The following ANO3 variants were observed in gnomAD, a reference collection of about 807,000 sequenced individuals.
ANO3 encodes anoctamin-3.
In ANO3, 99 loss-of-function variants were observed where a neutral mutation model predicts 144.8. The ratio of observed to expected loss-of-function variants is 0.68; its 90% CI spans 0.58 to 0.81. ANO3 has a LOEUF of 0.81. Among genes scored for constraint, ANO3 ranks in the 30% least tolerant of loss-of-function variants. ANO3 has a pLI of 0.00. For synonymous variants in ANO3, 414 were observed against 392.6 expected (o/e 1.05, Z -0.64); for missense variants, 905 against 1,202.2 (o/e 0.75, Z 3.66).
intron 14 of ANO3, among the ~76,000 whole-genome samples, chr11:26,589,936 C>T (rs1310825770): frequency 6.6e-6 from 1 of 152,124 alleles, no homozygotes; most frequent in African/African-American, 2.4e-5. Flanking sequence ...TCTGATTTTC[C>T]CCCAATCCAG....
Position 26,225,946 on chromosome 11 carries a change from A to G in ANO3, c.154+36616A>G, listed in dbSNP as rs1852247841. On this transcript the variant is annotated intron_variant, in intron 1 of 27. Coordinates refer to the ANO3 transcript ENST00000672621. ...TACATTAGTACTCATACATTAGTAG[A>G]AGCCACTGAATGGTTTTAAACAGAA... Among the ~76,000 whole-genome samples the G allele has an allele frequency of 2.6e-5, 4 of 152,170 alleles. No individual in the cohort carries two copies. The South Asian group carries it at 8.3e-4, about 32-fold the overall frequency.
At chr11:26,437,731 GTT>G (rs989121155) in intron 1 of ANO3, among the ~76,000 whole-genome samples, 14 of 152,122 alleles carry the variant, frequency 9.2e-5, no homozygotes, top group Admixed American at 9.2e-4. Context: ...TTCTTCCCAT[GTT>G]TATGTTCATG....
intron 1 of ANO3, among the ~76,000 whole-genome samples, chr11:26,274,754 A>G (rs1853521068): frequency 6.6e-6 from 1 of 152,086 alleles, no homozygotes; most frequent in African/African-American, 2.4e-5. Flanking sequence ...GAACTATGAA[A>G]CTTCAAATAA....
chr11:26,590,283 A>T (rs747165458), intron 14 of ANO3, among the ~76,000 whole-genome samples: 7 of 152,242 alleles, frequency 4.6e-5, no homozygotes, highest in Admixed American at 3.3e-4. Context: ...TTTTATGGCG[A>T]TTATTCCTTT....
Position 26,627,023 on chromosome 11 carries a change from A to T in ANO3, c.1873+2525A>T, listed in dbSNP as rs993879608. ...TAAGAATATCAGCTCTAGAGTGAGA[A>T]TGCCTGAGTTGAAATCTTTGCACCA... is the stretch of plus-strand genomic sequence containing the variant. On this transcript the variant is annotated intron_variant, in intron 18 of 26. Transcript: ENST00000256737. 1.4e-4 allele frequency among the ~76,000 whole-genome samples: 22 copies of T among 152,146 alleles called. 1 individual carries two copies. The highest frequency in any genetic ancestry group is 5.3e-4 in the African/African-American group (22 of 41,438).
chr11:26,574,140 G>A (rs533645416), intron 14 of ANO3, among the ~76,000 whole-genome samples: 3 of 152,080 alleles, frequency 2.0e-5, no homozygotes, highest in African/African-American at 7.2e-5. Flanking sequence ...ACCCACTATG[G>A]TGCCTTTCAT....
At chr11:26,642,299 A>T (rs1211184652) in intron 22 of ANO3, among the ~76,000 whole-genome samples, 3 of 151,950 alleles carry the variant, frequency 2.0e-5, no homozygotes, top group Non-Finnish European at 2.9e-5. Flanking sequence ...AAGCAAACAA[A>T]ATAATGCTGA....
At chr11:26,559,090 T>C (rs1251327609) in intron 13 of ANO3, 1 of 152,198 alleles carries the variant, frequency 6.6e-6, no homozygotes, top group African/African-American at 2.4e-5. Context: ...TTTGATTCAA[T>C]AACATTATAA....
chr11:26,363,047 T>C (rs1855969834), intron 1 of ANO3, among the ~76,000 whole-genome samples: 1 of 152,216 alleles, frequency 6.6e-6, no homozygotes, highest in Admixed American at 6.5e-5. Flanking sequence ...ACCAAGAAAG[T>C]AGAAAACCTC....
intron 3 of ANO3, among the ~76,000 whole-genome samples, chr11:26,454,633 A>G (rs1017703867): frequency 1.3e-5 from 2 of 151,496 alleles, no homozygotes; most frequent in African/African-American, 4.8e-5. Context: ...TTCACAGCCA[A>G]ATTCTACCAG....
intron 1 of ANO3, among the ~76,000 whole-genome samples, chr11:26,401,924 AC>A (rs1271759231): frequency 1.3e-5 from 2 of 152,008 alleles, no homozygotes; most frequent in Non-Finnish European, 2.9e-5. Flanking sequence ...TTATGATCCG[AC>A]AGTAACAGAA....
intron 14 of ANO3, chr11:26,560,176 G>A (rs969584512): frequency 1.2e-5 from 2 of 166,776 alleles, no homozygotes; most frequent in African/African-American, 4.8e-5. Flanking sequence ...CATACATTTA[G>A]GGATGCAGAA....
intron 1 of ANO3, among the ~76,000 whole-genome samples, chr11:26,338,451 A>G (rs1380589820): frequency 6.6e-6 from 1 of 152,056 alleles, no homozygotes; most frequent in Non-Finnish European, 1.5e-5. Flanking sequence ...ACCAATCAGC[A>G]CTCTGTAAAA....
chr11:26,377,984 A>G (rs1856461013), intron 1 of ANO3, among the ~76,000 whole-genome samples: 1 of 152,114 alleles, frequency 6.6e-6, no homozygotes, highest in Non-Finnish European at 1.5e-5. Context: ...GTTTTTTAAT[A>G]TGTACCAGGA....
At chr11:26,233,529 TGTG>T (rs1852449045) in intron 1 of ANO3, among the ~76,000 whole-genome samples, 2 of 152,198 alleles carry the variant, frequency 1.3e-5, no homozygotes, top group Non-Finnish European at 1.5e-5. Context: ...TGGAAGACAG[TGTG>T]GTGGTTCCTC....
intron 23 of ANO3, among the ~76,000 whole-genome samples, chr11:26,644,844 CACACAT>C (rs1471593049): frequency 3.4e-5 from 5 of 149,166 alleles, no homozygotes; most frequent in African/African-American, 4.9e-5. Flanking sequence ...CACACACACA[CACACAT>C]ACCATATATA....
At chr11:26,216,150 C>G (rs976569008) in intron 1 of ANO3, among the ~76,000 whole-genome samples, 5 of 151,944 alleles carry the variant, frequency 3.3e-5, no homozygotes, top group Non-Finnish European at 7.4e-5. Context: ...TTAGAATACT[C>G]TGACTACTAA....
intron 3 of ANO3, among the ~76,000 whole-genome samples, chr11:26,453,678 G>A (rs901498860): frequency 6.6e-6 from 1 of 152,068 alleles, no homozygotes; most frequent in Non-Finnish European, 1.5e-5. Flanking sequence ...CAACGAGAAA[G>A]AAAGTTAACA....
intron 1 of ANO3, among the ~76,000 whole-genome samples, chr11:26,238,550 T>C (rs541151096): frequency 6.6e-6 from 1 of 151,962 alleles, no homozygotes; most frequent in East Asian, 1.9e-4. Context: ...TATTTATCTA[T>C]TCATTCTGTT....
Sources: gnomAD v4.1 joint callset for allele counts (sites outside exome capture counted in the v4.1 genomes callset) on GRCh38, gnomAD v4.1.1 for gene constraint, MANE v1.5 for transcripts, NCBI Gene and HGNC (gene_info 2026-07-23, HGNC 2026-07-21) for gene names.